HPGDS: variants seen among roughly 807,000 people sequenced by gnomAD.
HPGDS encodes hematopoietic prostaglandin D synthase, also known as GST class-sigma.
A neutral mutation model predicts 23.1 loss-of-function variants in HPGDS; 26 were observed. The ratio of observed to expected loss-of-function variants is 1.13; its 90% CI spans 0.83 to 1.56. HPGDS has a LOEUF of 1.56. Among genes scored for constraint, HPGDS ranks in the 40% most tolerant of loss-of-function variants. The pLI is 0.00. For synonymous variants in HPGDS, 95 were observed against 77.9 expected (o/e 1.22, Z -1.16); for missense variants, 268 against 236.4 (o/e 1.13, Z -0.88).
intron 4 of HPGDS, among the ~76,000 whole-genome samples, chr4:94,306,842 T>G (rs930065367): frequency 6.6e-6 from 1 of 151,628 alleles, no homozygotes; most frequent in Non-Finnish European, 1.5e-5. Context: ...TCTACTATAA[T>G]GGAACAAAGA....
intron 2 of HPGDS, among the ~76,000 whole-genome samples, chr4:94,319,653 TATC>T (rs1179249410): frequency 6.6e-6 from 1 of 152,226 alleles, no homozygotes; most frequent in East Asian, 1.9e-4. Context: ...TGATGGTAGA[TATC>T]ATCCTTTCAC....
rs1164164823 is a variant in HPGDS at position 94,308,688 on chromosome 4, A to G, written c.282T>C (p.Thr94=). ...EQCHVDAIVD[T]LDDFMSCFPW... ...GAAAACATGACATGAAATCATCCAG[A>G]GTGTCCACAATAGCATCAACATGAC... The change falls in exon 4 of 6, where the codon ACT becomes ACC. Residue 94 remains threonine (T), a synonymous_variant. Transcript: ENST00000295256. 6.2e-7 allele frequency: 1 copy of G among 1,610,430 alleles called. No individual in the cohort carries two copies. Among genetic ancestry groups the G allele is most frequent in the Admixed American group, 1.7e-5 (1 of 59,840 alleles).
intron 3 of HPGDS, among the ~76,000 whole-genome samples, chr4:94,311,550 T>C (rs763903033): frequency 1.3e-5 from 2 of 151,394 alleles, no homozygotes; most frequent in African/African-American, 2.5e-5. Context: ...CAGTATTTTA[T>C]TGAGGATTTT....
chr4:94,325,430 G>A (rs1756610737), intron 2 of HPGDS, among the ~76,000 whole-genome samples: 1 of 152,162 alleles, frequency 6.6e-6, no homozygotes, highest in African/African-American at 2.4e-5. Context: ...AGCTGCAGTA[G>A]GCTCCACCCA....
In HPGDS at chr4:94,339,300, G is replaced by A. The variant is rs577140744; in HGVS notation, c.-10+3495C>T. Among the ~76,000 whole-genome samples the A allele has an allele frequency of 6.6e-5, 10 of 152,334 alleles. No homozygotes were observed. The East Asian group carries it at 7.7e-4, about 12-fold the overall frequency. On this transcript the variant is annotated intron_variant, in intron 1 of 5. Transcript: ENST00000295256. ...GAATCTCATGTAGAGAAAACTGCAT[G>A]TTTCCTGAAATGATACAGAAGCCTG...
rs1460535641 is a variant in HPGDS at position 94,311,407 on chromosome 4, T to A, written c.227-2664A>T. ...CTATTGAGATAATCATGTGGTTTTTTGTCATCGGTTGTGTTTATATGCTGG... is the reference window on the plus strand; with the variant it reads ...CTATTGAGATAATCATGTGGTTTTTAGTCATCGGTTGTGTTTATATGCTGG... On this transcript the variant is annotated intron_variant, in intron 3 of 5. Coordinates refer to ENST00000295256, the MANE Select transcript of HPGDS (RefSeq NM_014485.3). 2.6e-5 allele frequency among the ~76,000 whole-genome samples: 4 copies of A among 151,392 alleles called. 1 individual carries two copies. Among genetic ancestry groups the A allele is most frequent in the Non-Finnish European group, 5.9e-5 (4 of 68,014 alleles).
intron 3 of HPGDS, among the ~76,000 whole-genome samples, chr4:94,311,466 C>T (rs1756270792): frequency 6.6e-6 from 1 of 151,246 alleles, no homozygotes; most frequent in Non-Finnish European, 1.5e-5. Flanking sequence ...GTTGAACCAG[C>T]CTTGCATCCC....
chr4:94,338,359 AG>A (rs1327758623), intron 1 of HPGDS, among the ~76,000 whole-genome samples: 1 of 151,278 alleles, frequency 6.6e-6, no homozygotes, highest in Non-Finnish European at 1.5e-5. Context: ...TGGGAGGCAG[AG>A]GTTGCAGTGA....
chr4:94,310,371 C>G (rs562825300), intron 3 of HPGDS, among the ~76,000 whole-genome samples: 1 of 152,106 alleles, frequency 6.6e-6, no homozygotes, highest in Non-Finnish European at 1.5e-5. Flanking sequence ...TTCCCAGCAC[C>G]ATTTATTAAA....
intron 4 of HPGDS, 133 bp downstream of exon 4, chr4:94,308,501 C>G: frequency 2.0e-6 from 1 of 504,278 alleles, no homozygotes; most frequent in Non-Finnish European, 3.5e-6. Context: ...TTATTTTAAA[C>G]TTTTAAAATA....
intron 2 of HPGDS, among the ~76,000 whole-genome samples, chr4:94,318,788 C>G (rs1756447392): frequency 6.6e-6 from 1 of 152,154 alleles, no homozygotes; most frequent in South Asian, 2.1e-4. Context: ...TCTCAGCTCA[C>G]TGCAACTTCC....
chr4:94,340,312 T>TTTCTTTCTTTTTCTTTTC (rs1721129420), intron 1 of HPGDS, among the ~76,000 whole-genome samples: 1 of 6,684 alleles, frequency 1.5e-4, no homozygotes, highest in Non-Finnish European at 3.2e-4. Context: ...TTTCTTTCTC[T>TTTCTTTCTTTTTCTTTTC]TTTTTTTTTT....
intron 3 of HPGDS, among the ~76,000 whole-genome samples, chr4:94,310,002 T>C (rs1476813667): frequency 6.6e-6 from 1 of 152,214 alleles, no homozygotes. Flanking sequence ...GCAAATATGT[T>C]TGAGTTCTTT....
chr4:94,304,170 A>C (rs1408967634), intron 4 of HPGDS, among the ~76,000 whole-genome samples: 10 of 152,108 alleles, frequency 6.6e-5, no homozygotes, highest in Admixed American at 5.9e-4. Context: ...ATGAAAGTTT[A>C]ACAAATGACT....
intron 1 of HPGDS, among the ~76,000 whole-genome samples, chr4:94,339,338 TGATTGTGTTTG>T (rs1721088187): frequency 6.6e-6 from 1 of 152,224 alleles, no homozygotes; most frequent in Non-Finnish European, 1.5e-5. Flanking sequence ...GTTTAAAAGC[TGATTGTGTTTG>T]AAGATATTTA....
At chr4:94,323,099 C>T (rs1279180238) in intron 2 of HPGDS, among the ~76,000 whole-genome samples, 1 of 152,162 alleles carries the variant, frequency 6.6e-6, no homozygotes, top group East Asian at 1.9e-4. Flanking sequence ...ATCCTGAGTT[C>T]TAGTTTGATT....
chr4:94,335,982 G>A (rs1353445268), intron 1 of HPGDS, among the ~76,000 whole-genome samples: 1 of 152,128 alleles, frequency 6.6e-6, no homozygotes. Flanking sequence ...AAGGCAGGCG[G>A]ATCACCTGAA....
intron 2 of HPGDS, among the ~76,000 whole-genome samples, chr4:94,332,984 G>GA (rs1346427763): frequency 3.9e-5 from 6 of 152,036 alleles, no homozygotes; most frequent in Admixed American, 3.3e-4. Context: ...TTAAAGGAGA[G>GA]AAAAAACGTT....
intron 1 of HPGDS, among the ~76,000 whole-genome samples, chr4:94,340,311 C>CTTTCTTTTTCTTTTTTTTTTTT: frequency 4.2e-5 from 1 of 23,678 alleles, no homozygotes; most frequent in African/African-American, 1.5e-4. Context: ...CTTTCTTTCT[C>CTTTCTTTTTCTTTTTTTTTTTT]TTTTTTTTTT....
Sources: gnomAD v4.1 joint callset for allele counts (sites outside exome capture counted in the v4.1 genomes callset) on GRCh38, gnomAD v4.1.1 for gene constraint, MANE v1.5 for transcripts, NCBI Gene and HGNC (gene_info 2026-07-23, HGNC 2026-07-21) for gene names.